The following DOCK5 variants were observed in gnomAD, a reference collection of about 807,000 sequenced individuals.
DOCK5 encodes the protein dedicator of cytokinesis protein 5.
DOCK5 carries 142 observed loss-of-function variants against 251.8 expected under a neutral mutation model. That is an observed-to-expected ratio of 0.56 (90% CI 0.49 to 0.65). The LOEUF (loss-of-function observed/expected upper bound fraction) is 0.65. Ranked by LOEUF, DOCK5 falls within the 30% of genes least tolerant of loss-of-function variation. The pLI, the probability that DOCK5 is intolerant of heterozygous loss-of-function variation, is 0.00. For synonymous variants in DOCK5, 842 were observed against 835.5 expected, an observed-to-expected ratio of 1.01 and a Z score of -0.13; for missense variants, 2,111 against 2,312.3, an observed-to-expected ratio of 0.91 and a Z score of 1.79.
At chr8:25,197,567 GTCTT>G (rs767101976) in intron 1 of DOCK5, among the ~76,000 whole-genome samples, 9 of 118,114 alleles carry the variant, frequency 7.6e-5, no homozygotes, top group African/African-American at 2.9e-4. Context: ...TAAGGATCGT[GTCTT>G]TGTCTTTTTT....
chr8:25,351,514 C>G, intron 26 of DOCK5: 2 of 503,752 alleles, frequency 4.0e-6, no homozygotes, highest in South Asian at 2.4e-5. Flanking sequence ...TGCACAGCCA[C>G]ATTCATCTTT....
chr8:25,408,191 G>C, intron 49 of DOCK5, 37 bp downstream of exon 49: 1 of 1,539,750 alleles, frequency 6.5e-7, no homozygotes. Context: ...ATCTCTGGAG[G>C]CTTGCCCCCC....
chr8:25,314,701 TCCATCCAC>T (rs377360570), intron 13 of DOCK5, among the ~76,000 whole-genome samples: 1,852 of 146,346 alleles, frequency 0.013, 53 homozygotes, highest in African/African-American at 0.045. Context: ...CATCCATCCA[TCCATCCAC>T]GTACCCAACC....
Position 25,345,609 on chromosome 8 carries a change from G to A in DOCK5, c.2752G>A (p.Val918Met). 1 of 1,613,680 alleles carries A rather than the reference G, an allele frequency of 6.2e-7. No homozygotes were observed. Among genetic ancestry groups the A allele is most frequent in the Non-Finnish European group, 8.5e-7 (1 of 1,179,818 alleles). ...NILEVLDRKD[V>M]GATAVHIQLI... is the part of the protein sequence containing the mutation. ...CCTGGAGGTGCTGGACAGGAAGGATGTGGTGAGTTGAGTCATCACTGATGC... is the reference window on the plus strand; with the variant it reads ...CCTGGAGGTGCTGGACAGGAAGGATATGGTGAGTTGAGTCATCACTGATGC... Residue 918 changes from valine to methionine, a missense_variant and splice_region_variant, in exon 26 of 52, where the codon GTG (valine) becomes ATG (methionine). Transcript: ENST00000276440.
intron 1 of DOCK5, among the ~76,000 whole-genome samples, chr8:25,220,129 GC>G (rs1802346084): frequency 6.6e-6 from 1 of 151,326 alleles, no homozygotes; most frequent in Non-Finnish European, 1.5e-5. Context: ...TCTAATACTT[GC>G]ACTGCCTCTT....
intron 8 of DOCK5, 153 bp downstream of exon 8, chr8:25,299,254 A>C (rs993307056): frequency 1.2e-6 from 1 of 857,294 alleles, no homozygotes; most frequent in Non-Finnish European, 1.7e-6. Flanking sequence ...CATATGGTCT[A>C]TGAAGCCTTC....
intron 20 of DOCK5, 24 bp downstream of exon 20, chr8:25,332,716 A>C (rs777527405): frequency 6.4e-7 from 1 of 1,550,840 alleles, no homozygotes; most frequent in East Asian, 2.3e-5. Context: ...CATATTAACT[A>C]GTGTTTATTG....
At chr8:25,291,287 T>C (rs573551495) in intron 5 of DOCK5, among the ~76,000 whole-genome samples, 47 of 151,982 alleles carry the variant, frequency 3.1e-4, no homozygotes, top group African/African-American at 1.1e-3. Context: ...GAGGGGAGGG[T>C]GTAGAAATGG....
chr8:25,326,418 C>T (rs1289262120), intron 18 of DOCK5, among the ~76,000 whole-genome samples: 1 of 152,136 alleles, frequency 6.6e-6, no homozygotes, highest in Non-Finnish European at 1.5e-5. Flanking sequence ...TTTGTTTCAA[C>T]AAGTCGTGGT....
intron 40 of DOCK5, among the ~76,000 whole-genome samples, chr8:25,386,750 C>T (rs1287704952): frequency 6.6e-6 from 1 of 152,174 alleles, no homozygotes; most frequent in Non-Finnish European, 1.5e-5. Context: ...AATGTGACCA[C>T]AGAGACAGCA....
chr8:25,290,063 A>T (rs1281622640), intron 5 of DOCK5, among the ~76,000 whole-genome samples: 4 of 152,108 alleles, frequency 2.6e-5, no homozygotes, highest in African/African-American at 9.7e-5. Context: ...GTGTATATAT[A>T]TTATGATATA....
intron 17 of DOCK5, among the ~76,000 whole-genome samples, chr8:25,324,535 T>C (rs1805511173): frequency 6.6e-6 from 1 of 152,258 alleles, no homozygotes; most frequent in Admixed American, 6.5e-5. Flanking sequence ...GCTGCTCTTT[T>C]GAGATGCATC....
Position 25,395,724 on chromosome 8 carries a change from G to A in DOCK5, c.4704+5G>A, listed in dbSNP as rs768659223. 1.4e-5 allele frequency: 23 copies of A among 1,612,540 alleles called. No individual in the cohort carries two copies. Among genetic ancestry groups the A allele is most frequent in the South Asian group, 8.8e-5 (8 of 90,904 alleles). On this transcript the variant is annotated splice_donor_5th_base_variant and intron_variant, in intron 45 of 51. Coordinates refer to ENST00000276440, the MANE Select transcript of DOCK5 (RefSeq NM_024940.8). ...GGCTTCTCCAACTATGAAAAGGTTC[G>A]CTTGGTCCCAGAATCCCCTAGGGAT...
At chr8:25,393,060 A>T (rs796735946) in intron 44 of DOCK5, among the ~76,000 whole-genome samples, 178 bp downstream of exon 44, 17 of 152,320 alleles carry the variant, frequency 1.1e-4, no homozygotes, top group African/African-American at 4.1e-4. Context: ...TGTAAAACTG[A>T]TGTGACAACA....
At chr8:25,400,234 T>G (rs1801414449) in intron 46 of DOCK5, among the ~76,000 whole-genome samples, 1 of 152,076 alleles carries the variant, frequency 6.6e-6, no homozygotes, top group Non-Finnish European at 1.5e-5. Context: ...CCCAGTGGCT[T>G]ATGCCTGTAA....
At chr8:25,372,497 G>C in intron 34 of DOCK5, 62 bp from the exon 35 acceptor site, 1 of 1,502,896 alleles carries the variant, frequency 6.7e-7, no homozygotes, top group Middle Eastern at 2.1e-4. Context: ...GTCAGTGCTG[G>C]TCAGTGCTGC....
intron 1 of DOCK5, among the ~76,000 whole-genome samples, chr8:25,236,319 G>A (rs1296703255): frequency 6.6e-6 from 1 of 152,080 alleles, no homozygotes; most frequent in Non-Finnish European, 1.5e-5. Context: ...GACTGATTTG[G>A]AACCTACTTG....
At chr8:25,239,755 G>A (rs967680450) in intron 1 of DOCK5, among the ~76,000 whole-genome samples, 9 of 152,108 alleles carry the variant, frequency 5.9e-5, no homozygotes, top group African/African-American at 2.2e-4. Flanking sequence ...AATCGCGTGC[G>A]ATTTCTCCTA....
At chr8:25,329,476 T>C (rs949730833) in intron 18 of DOCK5, among the ~76,000 whole-genome samples, 1 of 152,230 alleles carries the variant, frequency 6.6e-6, no homozygotes, top group Non-Finnish European at 1.5e-5. Flanking sequence ...TTGAACTGTC[T>C]AATTGAAGTC....
Sources: gnomAD v4.1 joint callset for allele counts (sites outside exome capture counted in the v4.1 genomes callset) on GRCh38, gnomAD v4.1.1 for gene constraint, MANE v1.5 for transcripts, NCBI Gene and HGNC (gene_info 2026-07-23, HGNC 2026-07-21) for gene names.